AQR: variants seen among roughly 807,000 people sequenced by gnomAD.
AQR encodes RNA helicase aquarius.
Under a neutral mutation model 180.5 loss-of-function variants are expected in AQR, and 61 were observed. The observed-to-expected ratio is 0.34, with a 90% CI of 0.28 to 0.42. AQR has a LOEUF of 0.42. AQR is among the 10% of genes least tolerant of loss of function. The pLI, the probability that AQR is intolerant of heterozygous loss-of-function variation, is 1.00. For synonymous variants in AQR, 551 were observed against 588.8 expected (o/e 0.94, Z 0.93); for missense variants, 1,281 against 1,798.3 (o/e 0.71, Z 5.20).
At position 34,856,941 on chromosome 15, in the gene AQR, T is replaced by C. The variant is rs757489039; in HGVS notation, c.4309A>G (p.Thr1437Ala). ...RQETPAFQTD[T>A]TPSETGATST... ...GTGGCTCCTGTCTCACTGGGGGTGG[T>C]GTCAGTTTGAAAGGCTGGAGTTTCT... is the stretch of plus-strand genomic sequence containing the variant. Residue 1437 changes from threonine (T) to alanine (A), a missense_variant, in exon 35 of 35, where the codon ACC becomes GCC. Thr to Ala is a moderately conservative substitution (Grantham distance 58). Transcript: ENST00000156471. 25 of 1,613,908 alleles carry C rather than the reference T, an allele frequency of 1.5e-5. No homozygotes were observed. Among genetic ancestry groups the C allele is most frequent in the Middle Eastern group, 3.3e-4 (2 of 6,084 alleles).
chr15:34,922,341 TA>T (rs1056561522), intron 13 of AQR, among the ~76,000 whole-genome samples: 1 of 152,186 alleles, frequency 6.6e-6, no homozygotes, highest in African/African-American at 2.4e-5. Context: ...TTTTTGTACA[TA>T]TTTTTGTGTG....
intron 5 of AQR, 25 bp downstream of exon 5, chr15:34,948,239 C>G: frequency 6.2e-7 from 1 of 1,611,580 alleles, no homozygotes; most frequent in Non-Finnish European, 8.5e-7. Context: ...AGTATGAAAG[C>G]TATGAAGTAC....
intron 3 of AQR, among the ~76,000 whole-genome samples, chr15:34,960,566 G>A (rs11636350): frequency 0.61 from 92,605 of 151,898 alleles, 30,589 homozygotes; most frequent in South Asian, 0.75. Context: ...AACCCTATGG[G>A]ATTTGATACC....
intron 32 of AQR, among the ~76,000 whole-genome samples, chr15:34,864,381 A>C (rs894693832): frequency 3.3e-5 from 5 of 152,148 alleles, no homozygotes; most frequent in African/African-American, 1.2e-4. Flanking sequence ...CCTTTACAGA[A>C]ACCTTGAGGA....
intron 30 of AQR, among the ~76,000 whole-genome samples, chr15:34,873,229 A>G (rs1248818046): frequency 6.6e-6 from 1 of 152,246 alleles, no homozygotes; most frequent in East Asian, 1.9e-4. Context: ...TTATTTTTTT[A>G]GGATAAATTC....
At chr15:34,946,540 G>GC (rs1486775765) in intron 5 of AQR, among the ~76,000 whole-genome samples, 1 of 142,152 alleles carries the variant, frequency 7.0e-6, no homozygotes, top group Non-Finnish European at 1.5e-5. Flanking sequence ...GAGGGGGTCA[G>GC]CCCCCCGCCT....
rs1002073125 is a variant in AQR, at chr15:34,874,618, C to T, written c.3425+59G>A. 2.5e-6 allele frequency: 4 copies of T among 1,590,196 alleles called. No homozygotes were observed. The African/African-American group carries it at 5.4e-5, about 22-fold the overall frequency. On this transcript the variant is annotated intron_variant, in intron 29 of 34. Coordinates refer to ENST00000156471, the MANE Select transcript of AQR (RefSeq NM_014691.3). ...TCTACACAAAAGCTATTCACAAATA[C>T]TTGGATCATGGAACAAATGTCCTTA...
At chr15:34,926,494 C>T (rs1304116308) in intron 13 of AQR, among the ~76,000 whole-genome samples, 1 of 152,136 alleles carries the variant, frequency 6.6e-6, no homozygotes, top group Non-Finnish European at 1.5e-5. Context: ...TTCTATGCCC[C>T]AGATACCTTA....
chr15:34,899,450 C>T (rs561137717), intron 20 of AQR, among the ~76,000 whole-genome samples: 1 of 152,030 alleles, frequency 6.6e-6, no homozygotes, highest in Non-Finnish European at 1.5e-5. Context: ...GTGATCATAG[C>T]TCACTGCAGC....
chr15:34,873,582 T>TACAAA (rs1362728566), intron 30 of AQR, among the ~76,000 whole-genome samples: 3 of 152,184 alleles, frequency 2.0e-5, no homozygotes, highest in African/African-American at 7.2e-5. Flanking sequence ...GTAACAAGCT[T>TACAAA]AGGAAGACCT....
At chr15:34,915,441 T>TTGTGATCTGCCCACCTC (rs1893567710) in intron 15 of AQR, among the ~76,000 whole-genome samples, 5 of 151,024 alleles carry the variant, frequency 3.3e-5, no homozygotes, top group Non-Finnish European at 5.9e-5. Flanking sequence ...CTGCCCACCT[T>TTGTGATCTGCCCACCTC]GGCCTCCCAA....
At chr15:34,952,613 T>C (rs1894250341) in intron 4 of AQR, among the ~76,000 whole-genome samples, 1 of 152,220 alleles carries the variant, frequency 6.6e-6, no homozygotes, top group Non-Finnish European at 1.5e-5. Context: ...TTTCCACTGA[T>C]CACTACAGAA....
intron 8 of AQR, among the ~76,000 whole-genome samples, chr15:34,940,548 G>A (rs1331758299): frequency 2.6e-5 from 4 of 151,982 alleles, no homozygotes; most frequent in African/African-American, 9.7e-5. Context: ...TAAAAAAAGA[G>A]TGAAGGAGTA....
chr15:34,918,013 C>G (rs753347001), intron 15 of AQR, among the ~76,000 whole-genome samples: 1 of 151,854 alleles, frequency 6.6e-6, no homozygotes, highest in African/African-American at 2.4e-5. Context: ...CCAAAACAGT[C>G]TTAGGGCTTT....
chr15:34,954,472 AT>A (rs1286788091), intron 3 of AQR, among the ~76,000 whole-genome samples: 1 of 151,700 alleles, frequency 6.6e-6, no homozygotes, highest in Non-Finnish European at 1.5e-5. Context: ...CGTCCAGCTA[AT>A]TTTTTTGATT....
intron 12 of AQR, among the ~76,000 whole-genome samples, chr15:34,928,548 A>G (rs561067020): frequency 6.6e-6 from 1 of 152,306 alleles, no homozygotes; most frequent in East Asian, 1.9e-4. Context: ...ATGGCTGCAT[A>G]GTATTCCATG....
At chr15:34,863,812 G>T (rs1318901072) in intron 32 of AQR, among the ~76,000 whole-genome samples, 1 of 151,996 alleles carries the variant, frequency 6.6e-6, no homozygotes, top group East Asian at 1.9e-4. Flanking sequence ...ATGTGAAGAG[G>T]GCTAATGTAA....
At position 34,942,065 on chromosome 15, in the gene AQR, G is replaced by C. The variant is rs776826589; in HGVS notation, c.487C>G (p.Arg163Gly). Residue 163 changes from arginine (R) to glycine (G), a missense_variant, in exon 7 of 35, where the codon CGA becomes GGA. Transcript: ENST00000156471. ...GAGATAAGCTGCTGTACTTGACTTC[G>C]TATCAAGTCTACTTCCTGTTTAGGG... Reference protein sequence around the residue: ...CFNSLEVDLIRSQVQQLISLP... With the variant: ...CFNSLEVDLIGSQVQQLISLP... The C allele has an allele frequency of 6.2e-7, 1 of 1,611,400 alleles. No homozygotes were observed. Among genetic ancestry groups the C allele is most frequent in the Non-Finnish European group, 8.5e-7 (1 of 1,178,342 alleles).
At chr15:34,968,955 G>C (rs1303285540) in intron 1 of AQR, among the ~76,000 whole-genome samples, 1 of 152,192 alleles carries the variant, frequency 6.6e-6, no homozygotes, top group Non-Finnish European at 1.5e-5. Context: ...GAATGATGCT[G>C]ACAACCACAG....
Sources: gnomAD v4.1 joint callset for allele counts (sites outside exome capture counted in the v4.1 genomes callset) on GRCh38, gnomAD v4.1.1 for gene constraint, MANE v1.5 for transcripts, NCBI Gene and HGNC (gene_info 2026-07-23, HGNC 2026-07-21) for gene names.